MARCHF1: variants seen among roughly 807,000 people sequenced by gnomAD.
MARCHF1 encodes the protein E3 ubiquitin-protein ligase MARCHF1.
A neutral mutation model predicts 54.2 loss-of-function variants in MARCHF1; 40 were observed. The ratio of observed to expected loss-of-function variants is 0.74; its 90% CI spans 0.57 to 0.96. The LOEUF (loss-of-function observed/expected upper bound fraction) is 0.96. Ranked by LOEUF, MARCHF1 falls within the 40% of genes least tolerant of loss-of-function variation. The pLI is 0.00. For synonymous variants in MARCHF1, 236 were observed against 236.3 expected, an observed-to-expected ratio of 1.00 and a Z score of 0.01; for missense variants, 586 against 656.5, an observed-to-expected ratio of 0.89 and a Z score of 1.17.
chr4:163,891,436 C>T (rs1750658369), intron 3 of MARCHF1, among the ~76,000 whole-genome samples: 1 of 151,928 alleles, frequency 6.6e-6, no homozygotes, highest in African/African-American at 2.4e-5. Flanking sequence ...AAAAGGTTAA[C>T]ATAAATTTCC....
chr4:163,704,271 A>G (rs1366070330), intron 4 of MARCHF1, among the ~76,000 whole-genome samples: 1 of 151,882 alleles, frequency 6.6e-6, no homozygotes, highest in African/African-American at 2.4e-5. Flanking sequence ...TTGGAGGGTC[A>G]TCTGAAAAAT....
chr4:164,315,524 G>A (rs377322011), intron 1 of MARCHF1, among the ~76,000 whole-genome samples: 3 of 152,262 alleles, frequency 2.0e-5, no homozygotes, highest in Non-Finnish European at 2.9e-5. Context: ...GATGTACCCC[G>A]TATCACTGTC....
intron 4 of MARCHF1, among the ~76,000 whole-genome samples, chr4:163,741,269 G>T (rs984299599): frequency 6.6e-6 from 1 of 152,090 alleles, no homozygotes; most frequent in Non-Finnish European, 1.5e-5. Context: ...TTGATTACGA[G>T]TGTTATTGAT....
At chr4:164,049,181 A>C (rs1015138747) in intron 2 of MARCHF1, among the ~76,000 whole-genome samples, 2 of 152,234 alleles carry the variant, frequency 1.3e-5, no homozygotes, top group African/African-American at 4.8e-5. Context: ...CGGAAGGGGA[A>C]GCAGGCACAT....
intron 8 of MARCHF1, among the ~76,000 whole-genome samples, chr4:163,568,551 C>T (rs1739725706): frequency 6.6e-6 from 1 of 152,036 alleles, no homozygotes; most frequent in Non-Finnish European, 1.5e-5. Flanking sequence ...AAGACTCGAG[C>T]CTACCTATTA....
chr4:163,664,513 G>C (rs377085750), intron 5 of MARCHF1, among the ~76,000 whole-genome samples: 1 of 152,184 alleles, frequency 6.6e-6, no homozygotes, highest in African/African-American at 2.4e-5. Context: ...ACCCTAGCCA[G>C]TCAGTGCCCC....
chr4:163,837,145 C>T (rs1317916771), intron 4 of MARCHF1, among the ~76,000 whole-genome samples: 1 of 152,036 alleles, frequency 6.6e-6, no homozygotes, highest in African/African-American at 2.4e-5. Flanking sequence ...TTTCATGAAT[C>T]ACAATTAAGG....
At chr4:164,086,917 C>G (rs2111124220) in intron 2 of MARCHF1, among the ~76,000 whole-genome samples, 1 of 151,988 alleles carries the variant, frequency 6.6e-6, no homozygotes, top group East Asian at 1.9e-4. Flanking sequence ...ACAATAAAAT[C>G]AAATAAAAAC....
intron 5 of MARCHF1, among the ~76,000 whole-genome samples, chr4:163,621,511 T>A (rs1741696014): frequency 6.6e-6 from 1 of 152,168 alleles, no homozygotes; most frequent in Non-Finnish European, 1.5e-5. Context: ...TTTCTGAGAT[T>A]TCAGTGAGAG....
intron 4 of MARCHF1, among the ~76,000 whole-genome samples, chr4:163,784,874 G>A (rs188402703): frequency 9.9e-5 from 15 of 152,042 alleles, no homozygotes; most frequent in East Asian, 5.8e-4. Flanking sequence ...AATATATTCC[G>A]CTTTATATAT....
chr4:163,674,400 G>T (rs6536747), intron 5 of MARCHF1, among the ~76,000 whole-genome samples: 41,419 of 152,052 alleles, frequency 0.27, 7,979 homozygotes, highest in African/African-American at 0.53. Context: ...CTGACCAAAC[G>T]GCAGCAGGCA....
intron 1 of MARCHF1, among the ~76,000 whole-genome samples, chr4:164,213,401 A>AT (rs1204538537): frequency 6.6e-6 from 1 of 151,422 alleles, no homozygotes; most frequent in Non-Finnish European, 1.5e-5. Flanking sequence ...GCCCGGCTAA[A>AT]TTTTTGTATT....
At chr4:163,804,802 T>A (rs1024223823) in intron 4 of MARCHF1, among the ~76,000 whole-genome samples, 1 of 152,122 alleles carries the variant, frequency 6.6e-6, no homozygotes, top group African/African-American at 2.4e-5. Context: ...CACCTCACCA[T>A]TTTTCACGGC....
chr4:163,761,355 A>G (rs1379725105), intron 4 of MARCHF1, among the ~76,000 whole-genome samples: 2 of 152,200 alleles, frequency 1.3e-5, no homozygotes, highest in African/African-American at 4.8e-5. Flanking sequence ...GAGAGCAAGG[A>G]TGAGCTCCCA....
chr4:164,012,364 T>A (rs1323228857), intron 2 of MARCHF1, among the ~76,000 whole-genome samples: 4 of 152,046 alleles, frequency 2.6e-5, no homozygotes, highest in Non-Finnish European at 5.9e-5. Context: ...CTAAGTAAAA[T>A]GAAGCATCAG....
chr4:163,973,347 T>G, intron 3 of MARCHF1, among the ~76,000 whole-genome samples: 1 of 152,246 alleles, frequency 6.6e-6, no homozygotes, highest in Admixed American at 6.5e-5. Flanking sequence ...TTCTTAGCCT[T>G]GCTCAACTGT....
intron 2 of MARCHF1, among the ~76,000 whole-genome samples, chr4:164,058,983 A>G (rs1382397091): frequency 6.6e-6 from 1 of 152,192 alleles, no homozygotes; most frequent in Non-Finnish European, 1.5e-5. Context: ...CTGGCTTGGC[A>G]TAGAAATTTT....
chr4:163,681,504 G>C (rs1042697623), intron 5 of MARCHF1, among the ~76,000 whole-genome samples: 1 of 152,124 alleles, frequency 6.6e-6, no homozygotes, highest in African/African-American at 2.4e-5. Flanking sequence ...TATGTCATGG[G>C]AAGCACCCAT....
intron 4 of MARCHF1, among the ~76,000 whole-genome samples, chr4:163,761,032 AAT>A (rs1423833118): frequency 1.3e-5 from 2 of 152,230 alleles, no homozygotes; most frequent in Non-Finnish European, 2.9e-5. Context: ...GAATACACCC[AAT>A]GAGATAAACA....
Sources: allele counts gnomAD v4.1 joint callset (sites outside exome capture counted in the v4.1 genomes callset), GRCh38; gene constraint gnomAD v4.1.1; transcripts MANE v1.5; gene names NCBI Gene and HGNC (gene_info 2026-07-23, HGNC 2026-07-21).